Variants in SLC25A21 observed in about 807,000 individuals in gnomAD.
The protein encoded by SLC25A21 is solute carrier family 25 member 21.
SLC25A21 carries 47 observed loss-of-function variants against 43.8 expected under a neutral mutation model. The ratio of observed to expected loss-of-function variants is 1.07; its 90% CI spans 0.85 to 1.37. The LOEUF is 1.37. Ranked by LOEUF, SLC25A21 falls within the 40% of genes most tolerant of loss-of-function variation. The pLI, the probability that SLC25A21 is intolerant of heterozygous loss-of-function variation, is 0.00. For missense variants in SLC25A21, 352 were observed against 350.2 expected, an observed-to-expected ratio of 1.00 and a Z score of -0.04; for synonymous variants, 131 against 121.3, an observed-to-expected ratio of 1.08 and a Z score of -0.52.
chr14:36,929,919 G>A (rs768229040), intron 1 of SLC25A21, among the ~76,000 whole-genome samples: 2 of 152,150 alleles, frequency 1.3e-5, no homozygotes, highest in African/African-American at 4.8e-5. Context: ...TAGAAGCCGT[G>A]TAGCTTCCAC....
At chr14:36,889,148 C>T (rs749886232) in intron 1 of SLC25A21, among the ~76,000 whole-genome samples, 1 of 152,180 alleles carries the variant, frequency 6.6e-6, no homozygotes, top group Non-Finnish European at 1.5e-5. Context: ...ATTCCATACA[C>T]ATATCCTTTA....
chr14:36,951,084 C>T (rs890440603), intron 1 of SLC25A21, among the ~76,000 whole-genome samples: 2 of 152,154 alleles, frequency 1.3e-5, no homozygotes, highest in Non-Finnish European at 2.9e-5. Flanking sequence ...TCAACCCCAT[C>T]TGTCATATAC....
chr14:36,816,300 T>C (rs1422985129), intron 2 of SLC25A21, among the ~76,000 whole-genome samples: 1 of 152,046 alleles, frequency 6.6e-6, no homozygotes, highest in Admixed American at 6.6e-5. Context: ...TAAATGAGTA[T>C]CTATTGACCA....
intron 1 of SLC25A21, among the ~76,000 whole-genome samples, chr14:37,047,197 C>T (rs1454866955): frequency 6.6e-6 from 1 of 152,136 alleles, no homozygotes; most frequent in African/African-American, 2.4e-5. Context: ...GATTCAAAAC[C>T]AATCTGGACA....
intron 2 of SLC25A21, among the ~76,000 whole-genome samples, chr14:36,832,251 AC>A (rs1275203131): frequency 6.6e-6 from 1 of 152,154 alleles, no homozygotes; most frequent in Non-Finnish European, 1.5e-5. Context: ...TAATGATTCT[AC>A]AAAATAATAT....
intron 1 of SLC25A21, among the ~76,000 whole-genome samples, chr14:37,010,367 T>A (rs1795698235): frequency 6.6e-6 from 1 of 152,340 alleles, no homozygotes; most frequent in South Asian, 2.1e-4. Flanking sequence ...CCTATTGCCA[T>A]AGGTGAAATG....
At chr14:36,812,904 T>C (rs1037631384) in intron 3 of SLC25A21, among the ~76,000 whole-genome samples, 6 of 152,148 alleles carry the variant, frequency 3.9e-5, no homozygotes, top group Non-Finnish European at 5.9e-5. Flanking sequence ...CAACAGAACC[T>C]ACATCATAAA....
In SLC25A21 at chr14:36,837,764, C is replaced by T. The variant is rs540527045; in HGVS notation, c.120-23763G>A. 5.3e-5 allele frequency among the ~76,000 whole-genome samples: 8 copies of T among 152,312 alleles called. No individual in the cohort carries two copies. The South Asian group carries it at 1.7e-3, about 32-fold the overall frequency. ...TCCTACAACTCACTTGTATAGCTAA[C>T]GCTCAAACTCCTCACACTGAAAGAC... is the stretch of plus-strand genomic sequence containing the variant. On this transcript the variant is annotated intron_variant, in intron 2 of 9. Transcript: ENST00000331299.
chr14:36,790,173 G>A (rs373909125), intron 3 of SLC25A21, among the ~76,000 whole-genome samples: 7 of 150,978 alleles, frequency 4.6e-5, no homozygotes, highest in South Asian at 2.1e-4. Flanking sequence ...CTGAAGTGCC[G>A]TGGCATCTTA....
At chr14:36,825,821 A>G (rs1261648768) in intron 2 of SLC25A21, among the ~76,000 whole-genome samples, 3 of 152,238 alleles carry the variant, frequency 2.0e-5, no homozygotes, top group East Asian at 1.9e-4. Flanking sequence ...CAGTGAATAC[A>G]TAAGAGTTAA....
chr14:36,895,469 T>C (rs1891211875), intron 1 of SLC25A21, among the ~76,000 whole-genome samples: 1 of 152,180 alleles, frequency 6.6e-6, no homozygotes, highest in Non-Finnish European at 1.5e-5. Context: ...CTATCAATTT[T>C]GTTGATCTTT....
At chr14:37,070,782 G>T (rs1039921110) in intron 1 of SLC25A21, among the ~76,000 whole-genome samples, 4 of 152,154 alleles carry the variant, frequency 2.6e-5, no homozygotes, top group Admixed American at 6.5e-5. Flanking sequence ...GATACTTGTG[G>T]AATCACCATA....
rs12436157 is a variant in SLC25A21, at chr14:36,680,078, A to C, written c.*580T>G. ...GATATGTGCATAGTTACTAAAAAAA[A>C]CCAACAGATTTACATTTTAACATAG... On this transcript the variant is annotated 3_prime_UTR_variant, in exon 10 of 10. Transcript: ENST00000331299. 0.038 allele frequency: 33,377 copies of C among 871,182 alleles called. 983 individuals carry two copies. The highest frequency in any genetic ancestry group is 0.28 in the East Asian group (2,250 of 7,908). 54.0% of individuals were successfully genotyped at this position (871,182 alleles called of 1,614,324 possible).
In SLC25A21 at chr14:37,075,071, C is replaced by G. The variant is rs112112814; in HGVS notation, c.70+97210G>C. ...GAAGGTTTCCTGTGCAAATACTTCT[C>G]AAAGGAACTAGCTTCCCTTTGCAAC... On this transcript the variant is annotated intron_variant, in intron 1 of 9. Coordinates refer to ENST00000331299, the MANE Select transcript of SLC25A21 (RefSeq NM_030631.4). Among the ~76,000 whole-genome samples the G allele has an allele frequency of 1.3e-5, 2 of 152,284 alleles. 1 individual carries two copies. Among genetic ancestry groups the G allele is most frequent in the African/African-American group, 4.8e-5 (2 of 41,556 alleles).
intron 1 of SLC25A21, among the ~76,000 whole-genome samples, chr14:37,126,219 GCTGA>G (rs1406525819): frequency 2.0e-5 from 3 of 152,072 alleles, no homozygotes; most frequent in Non-Finnish European, 4.4e-5. Flanking sequence ...CATTAGTTGT[GCTGA>G]CTATCACAGA....
chr14:36,812,611 T>C (rs139760149), intron 3 of SLC25A21, among the ~76,000 whole-genome samples: 105 of 152,102 alleles, frequency 6.9e-4, no homozygotes, highest in Non-Finnish European at 1.4e-3. Context: ...TAGAGATTAA[T>C]TTAATAAATT....
At chr14:37,152,396 T>TTTG (rs934948461) in intron 1 of SLC25A21, among the ~76,000 whole-genome samples, 1 of 151,376 alleles carries the variant, frequency 6.6e-6, no homozygotes. Flanking sequence ...ATTTTTTTTT[T>TTTG]TTTTTGACAG....
chr14:37,163,938 A>T (rs946755349), intron 1 of SLC25A21, among the ~76,000 whole-genome samples: 3 of 152,204 alleles, frequency 2.0e-5, no homozygotes, highest in Non-Finnish European at 4.4e-5. Flanking sequence ...TATGATCAAC[A>T]AACATTTCTG....
At chr14:37,159,485 C>T (rs11844945) in intron 1 of SLC25A21, among the ~76,000 whole-genome samples, 2,064 of 152,084 alleles carry the variant, frequency 0.014, 36 homozygotes, top group African/African-American at 0.046. Context: ...GGAAAGAATA[C>T]GCTCTTCAAA....
Sources: gnomAD v4.1 joint callset for allele counts (sites outside exome capture counted in the v4.1 genomes callset) on GRCh38, gnomAD v4.1.1 for gene constraint, MANE v1.5 for transcripts, NCBI Gene and HGNC (gene_info 2026-07-23, HGNC 2026-07-21) for gene names.